The following FOCAD variants were observed in gnomAD, a reference collection of about 807,000 sequenced individuals.
FOCAD encodes KIAA1797.
In FOCAD, 198 loss-of-function variants were observed where a neutral mutation model predicts 225.6. The observed-to-expected ratio is 0.88, with a 90% CI of 0.78 to 0.99. The LOEUF is 0.99. FOCAD is among the 50% of genes least tolerant of loss of function. The pLI, the probability that FOCAD is intolerant of heterozygous loss-of-function variation, is 0.00. For synonymous variants in FOCAD, 897 were observed against 755.0 expected (o/e 1.19, Z -3.08); for missense variants, 2,713 against 2,123.6 (o/e 1.28, Z -5.46).
At chr9:20,808,049 A>G (rs952342993) in intron 11 of FOCAD, among the ~76,000 whole-genome samples, 3 of 147,248 alleles carry the variant, frequency 2.0e-5, no homozygotes, top group African/African-American at 7.4e-5. Context: ...TCCGTCTAAG[A>G]AAAAAAAAAA....
At chr9:20,888,127 T>C (rs1240295903) in intron 21 of FOCAD, among the ~76,000 whole-genome samples, 3 of 148,312 alleles carry the variant, frequency 2.0e-5, no homozygotes, top group Non-Finnish European at 4.5e-5. Flanking sequence ...ATTTTCTTTT[T>C]TTTTTTTTCT....
chr9:20,821,279 A>G (rs1386452296), intron 14 of FOCAD, among the ~76,000 whole-genome samples: 1 of 152,054 alleles, frequency 6.6e-6, no homozygotes, highest in Non-Finnish European at 1.5e-5. Flanking sequence ...CTAGTCTTGT[A>G]TCTAGGTTCG....
chr9:20,888,328 G>T (rs553690580), intron 21 of FOCAD, among the ~76,000 whole-genome samples: 1 of 151,468 alleles, frequency 6.6e-6, no homozygotes, highest in Non-Finnish European at 1.5e-5. Flanking sequence ...TAGTAGAGAC[G>T]GGGTTTCACC....
intron 5 of FOCAD, among the ~76,000 whole-genome samples, chr9:20,743,724 G>A (rs1827812283): frequency 6.6e-6 from 1 of 152,148 alleles, no homozygotes; most frequent in Non-Finnish European, 1.5e-5. Context: ...TTTTGTGTGA[G>A]GCTCAGAAAT....
At chr9:20,798,553 A>G (rs1013615660) in intron 11 of FOCAD, among the ~76,000 whole-genome samples, 4 of 152,000 alleles carry the variant, frequency 2.6e-5, no homozygotes, top group Admixed American at 1.3e-4. Flanking sequence ...CAGAGATTCA[A>G]CTTCTTCCTG....
At chr9:20,713,155 A>G (rs1825009707) in intron 1 of FOCAD, among the ~76,000 whole-genome samples, 1 of 152,194 alleles carries the variant, frequency 6.6e-6, no homozygotes. Context: ...CTCTTTGTGC[A>G]GTAGCTTTCC....
At chr9:20,860,480 C>T (rs1259895760) in intron 15 of FOCAD, among the ~76,000 whole-genome samples, 1 of 152,106 alleles carries the variant, frequency 6.6e-6, no homozygotes, top group African/African-American at 2.4e-5. Context: ...GTTCCTCAGT[C>T]TCTTGGCCTT....
At position 20,912,862 on chromosome 9, in the gene FOCAD, G is replaced by C; in HGVS notation, c.2719-4G>C. 1 of 1,611,970 alleles carries C rather than the reference G, an allele frequency of 6.2e-7. No individual in the cohort carries two copies. Among genetic ancestry groups the C allele is most frequent in the Non-Finnish European group, 8.5e-7 (1 of 1,178,660 alleles). On this transcript the variant is annotated splice_polypyrimidine_tract_variant and splice_region_variant and intron_variant, in intron 22 of 43. Transcript: ENST00000338382. ...CATGCTGATTTATGCTGTGATTTTT[G>C]CAGGGAAGACTAGGAGAGCTGGAGT... is the stretch of plus-strand genomic sequence containing the variant.
At chr9:20,715,673 C>A (rs1232001170) in intron 2 of FOCAD, among the ~76,000 whole-genome samples, 1 of 151,846 alleles carries the variant, frequency 6.6e-6, no homozygotes, top group African/African-American at 2.4e-5. Flanking sequence ...AACTAGTAGG[C>A]CCCTGAATAT....
At chr9:20,924,717 G>A (rs1261980616) in intron 25 of FOCAD, among the ~76,000 whole-genome samples, 3 of 152,148 alleles carry the variant, frequency 2.0e-5, no homozygotes, top group South Asian at 2.1e-4. Flanking sequence ...AAAGGAACAG[G>A]AAGTATATGG....
At chr9:20,821,220 TAA>T in intron 14 of FOCAD, 149 bp downstream of exon 14, 1 of 617,048 alleles carries the variant, frequency 1.6e-6, no homozygotes, top group Non-Finnish European at 2.5e-6. Context: ...TTATAAAATG[TAA>T]TAATATTGAA....
chr9:20,953,425 G>T (rs957966013), intron 35 of FOCAD, among the ~76,000 whole-genome samples: 3 of 152,292 alleles, frequency 2.0e-5, no homozygotes, highest in Non-Finnish European at 2.9e-5. Flanking sequence ...TTTCTATCCC[G>T]GGATCTGTCT....
At chr9:20,751,171 T>C in intron 5 of FOCAD, among the ~76,000 whole-genome samples, 1 of 151,822 alleles carries the variant, frequency 6.6e-6, no homozygotes, top group East Asian at 1.9e-4. Context: ...TTTTTAATTA[T>C]TGTTATACTT....
At chr9:20,865,182 A>G (rs922416240) in intron 16 of FOCAD, among the ~76,000 whole-genome samples, 2 of 152,102 alleles carry the variant, frequency 1.3e-5, no homozygotes, top group African/African-American at 4.8e-5. Flanking sequence ...TTAAAGGGCA[A>G]TGAGAGTGTG....
intron 15 of FOCAD, among the ~76,000 whole-genome samples, chr9:20,830,823 C>T (rs1011773456): frequency 6.6e-6 from 1 of 151,916 alleles, no homozygotes; most frequent in African/African-American, 2.4e-5. Context: ...ACTACAGGTG[C>T]ATGCCACTAT....
chr9:20,894,216 T>C (rs1201758544), intron 21 of FOCAD, among the ~76,000 whole-genome samples: 1 of 152,180 alleles, frequency 6.6e-6, no homozygotes, highest in Non-Finnish European at 1.5e-5. Context: ...AGCTGACTTC[T>C]TTTTAGTGTT....
Position 20,874,776 on chromosome 9 carries a change from G to C in FOCAD, c.2286G>C (p.Leu762=). 2 of 1,613,616 alleles carry C rather than the reference G, an allele frequency of 1.2e-6. No homozygotes were observed. Among genetic ancestry groups the C allele is most frequent in the Non-Finnish European group, 1.7e-6 (2 of 1,179,710 alleles). ...LSVPGSCYLK[L]LSLTPPLVLP... is the part of the protein sequence containing the mutation. Reference sequence around the variant, plus strand: ...TTCCTGGCTCTTGCTATCTCAAACTGTTGTCACTCACTCCCCCTTTGGTTT... The same window carrying C: ...TTCCTGGCTCTTGCTATCTCAAACTCTTGTCACTCACTCCCCCTTTGGTTT... Residue 762 remains leucine (L), a synonymous_variant, in exon 19 of 44, where the codon CTG becomes CTC. Coordinates refer to ENST00000338382, the MANE Select transcript of FOCAD (RefSeq NM_001375567.1).
At chr9:20,719,076 T>C (rs1239626440) in intron 3 of FOCAD, among the ~76,000 whole-genome samples, 1 of 152,044 alleles carries the variant, frequency 6.6e-6, no homozygotes, top group Non-Finnish European at 1.5e-5. Context: ...CAAAATGATG[T>C]TGATTTTCTT....
At chr9:20,926,022 G>A (rs917172331) in intron 25 of FOCAD, among the ~76,000 whole-genome samples, 1 of 152,146 alleles carries the variant, frequency 6.6e-6, no homozygotes, top group Non-Finnish European at 1.5e-5. Context: ...GGAGAGCTCT[G>A]AAGGGCTCTT....
Sources: gnomAD v4.1 joint callset for allele counts (sites outside exome capture counted in the v4.1 genomes callset) on GRCh38, gnomAD v4.1.1 for gene constraint, MANE v1.5 for transcripts, NCBI Gene and HGNC (gene_info 2026-07-23, HGNC 2026-07-21) for gene names.